KLK12: variants seen among roughly 807,000 people sequenced by gnomAD.
KLK12 encodes kallikrein related peptidase 12, also known as kallikrein-12.
A neutral mutation model predicts 20.0 loss-of-function variants in KLK12; 23 were observed. That is an observed-to-expected ratio of 1.15 (90% CI 0.83 to 1.63). KLK12 has a LOEUF of 1.63. Ranked by LOEUF, KLK12 falls within the 40% of genes most tolerant of loss-of-function variation. The pLI is 0.00. For synonymous variants in KLK12, 147 were observed against 141.9 expected (o/e 1.04, Z -0.25); for missense variants, 351 against 338.6 (o/e 1.04, Z -0.29).
Position 51,029,287 on chromosome 19 carries a change from G to T in KLK12, c.*15C>A, listed in dbSNP as rs377138982. ...ACCCAAGTTAAGGGGTGGGGGTGGA[G>T]GTGGAGGAAACAGGTCAGTTGTTCC... On this transcript the variant is annotated 3_prime_UTR_variant, in exon 6 of 6. Transcript: ENST00000684732. 2 of 1,614,046 alleles carry T rather than the reference G, an allele frequency of 1.2e-6. No homozygotes were observed. The highest frequency in any genetic ancestry group is 1.7e-6 in the Non-Finnish European group (2 of 1,180,028).
rs1434728278 is a variant in KLK12 at position 51,030,639 on chromosome 19, C to G, written c.591+149G>C. ...TGCTGGGATTACAGGTGTGAGCCTC[C>G]GTAACCAGCCTCTCCCTTCCTTTTT... On this transcript the variant is annotated intron_variant, in intron 5 of 5. Transcript: ENST00000684732. 5 of 1,182,280 alleles carry G rather than the reference C, an allele frequency of 4.2e-6. 1 individual carries two copies. Among genetic ancestry groups the G allele is most frequent in the South Asian group, 2.5e-5 (2 of 81,494 alleles). The allele number at this position is 1,182,280 out of a possible 1,614,324, so 73.2% of individuals were successfully genotyped here. A position where few individuals can be genotyped will look rare whatever the true frequency, so the allele number is the denominator to read the frequency against.
At chr19:51,034,729 G>T (rs907204387) in intron 1 of KLK12, 77 bp downstream of exon 1, 14 of 1,545,838 alleles carry the variant, frequency 9.1e-6, no homozygotes. Context: ...TCACCAAGGG[G>T]ATGACCTGCT....
chr19:51,034,134 T>A lies in KLK12; in HGVS notation c.43A>T (p.Ser15Cys), dbSNP rs1361119892. ...AAAATCTTCGGTGTGGCTGCCTGGC[T>A]GAGCCCTGGAGACAGACAGGGGCAT... ...IFLLLCVLGLSQAATPKIFNG... is the reference protein window; with the variant it reads ...IFLLLCVLGLCQAATPKIFNG... Residue 15 changes from serine (S) to cysteine (C), a missense_variant, in exon 3 of 6, where the codon AGC (serine) becomes TGC (cysteine). By Grantham distance (112) the Ser-to-Cys change is moderately radical. Coordinates refer to ENST00000684732, the MANE Select transcript of KLK12 (RefSeq NM_001370125.1). 1.4e-5 allele frequency: 22 copies of A among 1,552,198 alleles called. No individual in the cohort carries two copies. The highest frequency in any genetic ancestry group is 1.9e-5 in the Non-Finnish European group (22 of 1,147,452).
chr19:51,032,075 G>T lies in KLK12; in HGVS notation c.258C>A (p.Ile86=). Residue 86 remains isoleucine (I), a synonymous_variant, in exon 4 of 6, where the codon ATC becomes ATA. Coordinates refer to ENST00000684732, the MANE Select transcript of KLK12 (RefSeq NM_001370125.1). ...SLSQLDWTEQ[I]RHSGFSVTHP... Reference sequence around the variant, plus strand: ...GGGTCACAGAGAAGCCGCTGTGCCGGATCTGCTCGGTCCAGTCGAGCTGGC... The same window carrying T: ...GGGTCACAGAGAAGCCGCTGTGCCGTATCTGCTCGGTCCAGTCGAGCTGGC... 1 of 1,604,966 alleles carries T rather than the reference G, an allele frequency of 6.2e-7. No individual in the cohort carries two copies. The highest frequency in any genetic ancestry group is 8.5e-7 in the Non-Finnish European group (1 of 1,177,684).
At chr19:51,031,849 C>T in intron 4 of KLK12, 27 bp downstream of exon 4, 1 of 1,612,406 alleles carries the variant, frequency 6.2e-7, no homozygotes, top group Non-Finnish European at 8.5e-7. Flanking sequence ...CATCCTGACC[C>T]CTGACCCCTG....
chr19:51,033,050 C>CA (rs970368967), intron 3 of KLK12, among the ~76,000 whole-genome samples: 4 of 150,950 alleles, frequency 2.6e-5, no homozygotes, highest in East Asian at 2.0e-4. Flanking sequence ...CCTGTCTCTA[C>CA]AAAAAAAATT....
chr19:51,033,960 C>A lies in KLK12; in HGVS notation c.197+20G>T. On this transcript the variant is annotated intron_variant, in intron 3 of 5. Coordinates refer to ENST00000684732, the MANE Select transcript of KLK12 (RefSeq NM_001370125.1). ...GCCTTCCCATAGTCCTCCCTTCGCC[C>A]ACCCCAGGAAGGGACTTACCTGCCG... The A allele has an allele frequency of 6.2e-7, 1 of 1,607,808 alleles. No homozygotes were observed. The highest frequency in any genetic ancestry group is 1.1e-5 in the South Asian group (1 of 89,942).
chr19:51,030,703 T>A (rs1488049575), intron 5 of KLK12, 85 bp downstream of exon 5: 2 of 1,558,554 alleles, frequency 1.3e-6, no homozygotes, highest in Non-Finnish European at 1.8e-6. Flanking sequence ...CCCTGATTCA[T>A]CCTCCATCAG....
intron 4 of KLK12, 53 bp downstream of exon 4, chr19:51,031,823 A>T (rs1237354916): frequency 1.3e-6 from 2 of 1,594,866 alleles, no homozygotes; most frequent in East Asian, 4.5e-5. Flanking sequence ...CTCGCCCTGC[A>T]TCCCAGACTT....
At chr19:51,033,844 C>A in intron 3 of KLK12, 136 bp downstream of exon 3, 1 of 933,932 alleles carries the variant, frequency 1.1e-6, no homozygotes, top group South Asian at 1.4e-5. Flanking sequence ...AAGGAAGTTC[C>A]ACTCCTGGTC....
chr19:51,032,205 C>T, intron 3 of KLK12, 70 bp from the exon 4 acceptor site: 1 of 1,383,110 alleles, frequency 7.2e-7, no homozygotes. Flanking sequence ...CACGGACACT[C>T]AGGCGCTCCT....
intron 4 of KLK12, 119 bp from the exon 5 acceptor site, chr19:51,031,040 T>G: frequency 3.5e-6 from 4 of 1,150,754 alleles, no homozygotes; most frequent in Non-Finnish European, 5.2e-6. Flanking sequence ...CGACCTGTAC[T>G]ACAATCCCGA....
Position 51,029,255 on chromosome 19 carries a change from G to C in KLK12, c.*47C>G. On this transcript the variant is annotated 3_prime_UTR_variant, in exon 6 of 6. Transcript: ENST00000684732. ...GGAGATATTGGTGCTCTGAGGGCCA[G>C]AGGGGTACCCAAGTTAAGGGGTGGG... 1 of 1,614,032 alleles carries C rather than the reference G, an allele frequency of 6.2e-7. No individual in the cohort carries two copies. The highest frequency in any genetic ancestry group is 8.5e-7 in the Non-Finnish European group (1 of 1,179,958).
At chr19:51,034,683 C>T (rs1427270618) in intron 1 of KLK12, 43 bp from the exon 2 acceptor site, 3 of 1,573,378 alleles carry the variant, frequency 1.9e-6, no homozygotes, top group East Asian at 4.6e-5. Context: ...TTTCCCTGTG[C>T]CCCCCACCTC....
In KLK12 at chr19:51,034,647, G is replaced by GA. The variant is rs71185791; in HGVS notation, c.-19-8dup. The GA allele has an allele frequency of 0.27, 426,070 of 1,604,862 alleles. 60,748 individuals are homozygous for GA. Among genetic ancestry groups the GA allele is most frequent in the East Asian group, 0.6 (26,753 of 44,714 alleles). On this transcript the variant is annotated splice_region_variant and splice_polypyrimidine_tract_variant and intron_variant, in intron 1 of 5. Transcript: ENST00000684732. ...GGTGGGTCACTTCCAAAGTCTGGGG[G>GA]AAAAGGGGAATCTCAGAGGTCACCC...
intron 4 of KLK12, among the ~76,000 whole-genome samples, chr19:51,031,203 A>G (rs992338929): frequency 6.6e-6 from 1 of 151,998 alleles, no homozygotes; most frequent in Non-Finnish European, 1.5e-5. Flanking sequence ...TCCAGACCTG[A>G]CCCTCTTCAA....
chr19:51,029,877 G>A (rs1267972453), intron 5 of KLK12, among the ~76,000 whole-genome samples: 1 of 151,820 alleles, frequency 6.6e-6, no homozygotes, highest in Non-Finnish European at 1.5e-5. Flanking sequence ...AGGGGAGGAG[G>A]GTGGGACTCC....
intron 3 of KLK12, among the ~76,000 whole-genome samples, chr19:51,033,072 C>T (rs1459793746): frequency 1.3e-5 from 2 of 150,644 alleles, no homozygotes; most frequent in East Asian, 2.0e-4. Context: ...AAAAATTAGC[C>T]AGGTGTGGTG....
chr19:51,030,777 CA>C lies in KLK12; in HGVS notation c.591+10del. 6.2e-7 allele frequency: 1 copy of C among 1,613,248 alleles called. No individual in the cohort carries two copies. Among genetic ancestry groups the C allele is most frequent in the South Asian group, 1.1e-5 (1 of 91,046 alleles). ...TCCTGGTGACCACGCACGCTGCCTG[CA>C]CTGGCTCACCTGGCAGGCATCCTGC... is the stretch of plus-strand genomic sequence containing the variant. On this transcript the variant is annotated intron_variant, in intron 5 of 5. Transcript: ENST00000684732.
Sources: allele counts gnomAD v4.1 joint callset (sites outside exome capture counted in the v4.1 genomes callset), GRCh38; gene constraint gnomAD v4.1.1; transcripts MANE v1.5; gene names NCBI Gene and HGNC (gene_info 2026-07-23, HGNC 2026-07-21).